Variants in COG6 observed in about 807,000 individuals in gnomAD.
COG6 encodes the protein component of oligomeric golgi complex 6, also known as conserved oligomeric Golgi complex subunit 6.
In COG6, 74 loss-of-function variants were observed where a neutral mutation model predicts 88.8. That is an observed-to-expected ratio of 0.83 (90% confidence interval 0.69 to 1.01). COG6 has a LOEUF of 1.01. Among genes scored for constraint, COG6 ranks in the 50% least tolerant of loss-of-function variants. COG6 has a pLI of 0.00. For missense variants in COG6, 800 were observed against 797.9 expected (o/e 1.00, Z -0.03); for synonymous variants, 286 against 278.7 (o/e 1.03, Z -0.26).
intron 3 of COG6, among the ~76,000 whole-genome samples, chr13:39,661,571 A>G (rs900784887): frequency 6.6e-6 from 1 of 152,154 alleles, no homozygotes; most frequent in African/African-American, 2.4e-5. Flanking sequence ...AGTTTGCAGG[A>G]TGAGTTAATT....
At chr13:39,740,929 CAATTTT>C (rs1880009581) in intron 18 of COG6, among the ~76,000 whole-genome samples, 1 of 152,078 alleles carries the variant, frequency 6.6e-6, no homozygotes, top group South Asian at 2.1e-4. Context: ...AAATAAAACT[CAATTTT>C]AGTGATCACA....
chr13:39,782,295 G>GA (rs908935707), intron 18 of COG6, among the ~76,000 whole-genome samples: 3 of 152,146 alleles, frequency 2.0e-5, no homozygotes, highest in Non-Finnish European at 4.4e-5. Context: ...CCGAAAATCT[G>GA]AAAAAACTAT....
chr13:39,687,923 A>G (rs1166207290), intron 10 of COG6, 124 bp downstream of exon 10: 12 of 724,978 alleles, frequency 1.7e-5, no homozygotes, highest in Non-Finnish European at 2.7e-5. Flanking sequence ...AAGCATCCTG[A>G]TTACTCTTTC....
intron 13 of COG6, among the ~76,000 whole-genome samples, chr13:39,707,498 A>G (rs1055603723): frequency 1.3e-5 from 2 of 152,194 alleles, no homozygotes; most frequent in Non-Finnish European, 2.9e-5. Flanking sequence ...TTGTATTTGC[A>G]TATGCTCATT....
Position 39,751,645 on chromosome 13 carries a change from A to G in COG6, c.*552A>G. The G allele has an allele frequency of 7.8e-7, 1 of 1,286,988 alleles. No individual in the cohort carries two copies. The highest frequency in any genetic ancestry group is 1.0e-6 in the Non-Finnish European group (1 of 988,534). The allele number at this position is 1,286,988 out of a possible 1,614,324, so 79.7% of individuals were successfully genotyped here. A position where few individuals can be genotyped will look rare whatever the true frequency, so the allele number is the denominator to read the frequency against. ...AACAGTGAATGTGCTCCTGGTGTATATGGCAGTGAATCTCCTTTCTGTTCT... is the reference window on the plus strand; with the variant it reads ...AACAGTGAATGTGCTCCTGGTGTATGTGGCAGTGAATCTCCTTTCTGTTCT... On this transcript the variant is annotated 3_prime_UTR_variant, in exon 19 of 19. Transcript: ENST00000455146.
chr13:39,713,264 A>T (rs1383219795), intron 13 of COG6, among the ~76,000 whole-genome samples: 1 of 152,210 alleles, frequency 6.6e-6, no homozygotes, highest in Non-Finnish European at 1.5e-5. Context: ...GTTTGTTTCT[A>T]ATGGTTGCTA....
chr13:39,715,307 T>C (rs1379232215), intron 13 of COG6, among the ~76,000 whole-genome samples: 1 of 151,596 alleles, frequency 6.6e-6, no homozygotes, highest in East Asian at 1.9e-4. Context: ...ACACACATAC[T>C]ATATATTATA....
chr13:39,657,329 G>T (rs1376857666), intron 1 of COG6, among the ~76,000 whole-genome samples: 2 of 152,204 alleles, frequency 1.3e-5, no homozygotes, highest in Non-Finnish European at 2.9e-5. Flanking sequence ...ACTGCGCCCG[G>T]CCACATAACC....
At chr13:39,725,053 G>A (rs560200286) in intron 17 of COG6, among the ~76,000 whole-genome samples, 2 of 151,426 alleles carry the variant, frequency 1.3e-5, no homozygotes, top group East Asian at 3.9e-4. Flanking sequence ...CTTCCTTTTT[G>A]CATGATCACT....
chr13:39,753,696 T>A (rs1388532595), downstream of COG6, among the ~76,000 whole-genome samples: 3 of 152,172 alleles, frequency 2.0e-5, no homozygotes, highest in Admixed American at 6.5e-5. Context: ...ATCTCTCATC[T>A]TCTTATTAGA....
chr13:39,766,447 G>A (rs1043224851), intron 18 of COG6, among the ~76,000 whole-genome samples: 5 of 152,162 alleles, frequency 3.3e-5, no homozygotes, highest in African/African-American at 1.2e-4. Flanking sequence ...AAAAAAACCT[G>A]GGGGAACAAG....
At chr13:39,678,792 T>C (rs1876127697) in intron 5 of COG6, among the ~76,000 whole-genome samples, 1 of 152,060 alleles carries the variant, frequency 6.6e-6, no homozygotes, top group Admixed American at 6.5e-5. Flanking sequence ...GAGAGGTAAA[T>C]AGGTGAGAGA....
intron 10 of COG6, among the ~76,000 whole-genome samples, 156 bp from the exon 11 acceptor site, chr13:39,689,604 G>A (rs1186526157): frequency 6.6e-6 from 1 of 152,024 alleles, no homozygotes; most frequent in Non-Finnish European, 1.5e-5. Context: ...AATGTCCCAA[G>A]AGATATCAAA....
chr13:39,774,254 GTCT>G (rs1881399640), intron 18 of COG6, among the ~76,000 whole-genome samples: 1 of 152,232 alleles, frequency 6.6e-6, no homozygotes, highest in Non-Finnish European at 1.5e-5. Context: ...ACATTTTGAA[GTCT>G]TCTTTTTGCC....
At chr13:39,757,057 A>T (rs944675458), downstream of COG6, among the ~76,000 whole-genome samples, 1 of 152,246 alleles carries the variant, frequency 6.6e-6, no homozygotes, top group African/African-American at 2.4e-5. Context: ...ATACACAGGG[A>T]ACACTCTCCA....
intron 4 of COG6, among the ~76,000 whole-genome samples, chr13:39,671,406 T>C (rs1470909770): frequency 2.0e-5 from 3 of 152,020 alleles, no homozygotes; most frequent in Non-Finnish European, 4.4e-5. Context: ...CTTTTTTTTT[T>C]CTTCCTTTTT....
chr13:39,764,281 A>G (rs1012627591), intron 18 of COG6, among the ~76,000 whole-genome samples: 2 of 151,206 alleles, frequency 1.3e-5, no homozygotes, highest in Non-Finnish European at 3.0e-5. Context: ...TGGAAGAATT[A>G]TGAATTTTAT....
intron 10 of COG6, 90 bp from the exon 11 acceptor site, chr13:39,689,670 G>GTATTA: frequency 1.3e-6 from 1 of 780,698 alleles, no homozygotes. Context: ...TTAATTATAT[G>GTATTA]TATTATATAT....
intron 15 of COG6, among the ~76,000 whole-genome samples, chr13:39,722,582 G>C (rs1878903387): frequency 7.3e-6 from 1 of 137,256 alleles, no homozygotes; most frequent in African/African-American, 2.8e-5. Flanking sequence ...GTGAGGAATA[G>C]AAGGAAGACC....
Sources: allele counts gnomAD v4.1 joint callset (sites outside exome capture counted in the v4.1 genomes callset), GRCh38; gene constraint gnomAD v4.1.1; transcripts MANE v1.5; gene names NCBI Gene and HGNC (gene_info 2026-07-23, HGNC 2026-07-21).